NCOA1: variants seen among roughly 807,000 people sequenced by gnomAD.
The protein encoded by NCOA1 is Hin-2 protein.
A neutral mutation model predicts 150.9 loss-of-function variants in NCOA1; 35 were observed. The observed-to-expected ratio is 0.23, with a 90% CI of 0.18 to 0.31. The LOEUF (loss-of-function observed/expected upper bound fraction) is 0.31, where lower values mean the gene tolerates loss of function less well. NCOA1 is among the 10% of genes least tolerant of loss of function. NCOA1 has a pLI of 1.00. For missense variants in NCOA1, 1,491 were observed against 1,749.3 expected, an observed-to-expected ratio of 0.85 and a Z score of 2.63; for synonymous variants, 590 against 630.0, an observed-to-expected ratio of 0.94 and a Z score of 0.95.
At chr2:24,594,572 A>G (rs1667811604) in intron 3 of NCOA1, among the ~76,000 whole-genome samples, 1 of 152,162 alleles carries the variant, frequency 6.6e-6, no homozygotes, top group South Asian at 2.1e-4. Flanking sequence ...CTACAAGAGC[A>G]GATATTAGCA....
intron 3 of NCOA1, among the ~76,000 whole-genome samples, chr2:24,609,194 T>TAG (rs1668514267): frequency 6.6e-6 from 1 of 152,246 alleles, no homozygotes; most frequent in Non-Finnish European, 1.5e-5. Context: ...TTGGAATTCT[T>TAG]CTGTAAGAAA....
intron 8 of NCOA1, among the ~76,000 whole-genome samples, chr2:24,689,084 G>A (rs1261183518): frequency 1.3e-5 from 2 of 151,590 alleles, no homozygotes; most frequent in Non-Finnish European, 3.0e-5. Context: ...TCTAGGCTCG[G>A]TATTCTATTT....
intron 1 of NCOA1, chr2:24,554,604 G>C (rs536725697): frequency 1.3e-5 from 2 of 152,188 alleles, no homozygotes; most frequent in African/African-American, 4.8e-5. Context: ...CTAATACCAG[G>C]GGGTAGCCCC....
chr2:24,560,079 A>G (rs1432396700), intron 1 of NCOA1, among the ~76,000 whole-genome samples: 3 of 152,102 alleles, frequency 2.0e-5, no homozygotes, highest in African/African-American at 7.2e-5. Flanking sequence ...CTGGCCTACT[A>G]TTATACTAAT....
chr2:24,516,783 T>A (rs1317635059), intron 1 of NCOA1, among the ~76,000 whole-genome samples: 1 of 148,228 alleles, frequency 6.7e-6, no homozygotes, highest in Non-Finnish European at 1.5e-5. Context: ...GTTGCCTCTC[T>A]GGCCTTCATT....
chr2:24,547,479 T>TA (rs975883038), intron 1 of NCOA1, among the ~76,000 whole-genome samples: 2 of 152,220 alleles, frequency 1.3e-5, no homozygotes, highest in African/African-American at 4.8e-5. Context: ...CTGGAGGGCT[T>TA]ACTGACGTGT....
chr2:24,646,845 C>T (rs1281075069), intron 4 of NCOA1, among the ~76,000 whole-genome samples: 1 of 151,546 alleles, frequency 6.6e-6, no homozygotes, highest in Middle Eastern at 3.2e-3. Context: ...AGGAATTATA[C>T]ACACATACAC....
intron 2 of NCOA1, among the ~76,000 whole-genome samples, chr2:24,583,054 AC>A (rs1199248231): frequency 6.6e-6 from 1 of 152,206 alleles, no homozygotes; most frequent in East Asian, 1.9e-4. Flanking sequence ...AACAAAAGCA[AC>A]AATAGACAAA....
intron 8 of NCOA1, among the ~76,000 whole-genome samples, chr2:24,689,520 G>A (rs1051478687): frequency 6.6e-6 from 1 of 151,948 alleles, no homozygotes; most frequent in Non-Finnish European, 1.5e-5. Flanking sequence ...AAGTAGCTGG[G>A]ACAACTACTT....
chr2:24,630,762 A>G (rs1669670303), intron 3 of NCOA1, among the ~76,000 whole-genome samples: 1 of 152,236 alleles, frequency 6.6e-6, no homozygotes, highest in South Asian at 2.1e-4. Context: ...TTTTCATAAA[A>G]GCATTTTGTA....
chr2:24,541,788 A>G (rs1665409757), intron 1 of NCOA1, among the ~76,000 whole-genome samples: 1 of 152,244 alleles, frequency 6.6e-6, no homozygotes, highest in South Asian at 2.1e-4. Flanking sequence ...GAAAATTCAT[A>G]GGAATAAGAC....
intron 1 of NCOA1, among the ~76,000 whole-genome samples, chr2:24,528,597 A>G (rs2148157466): frequency 1.3e-5 from 2 of 151,844 alleles, no homozygotes; most frequent in South Asian, 2.1e-4. Context: ...ACCCACCCAT[A>G]TTAGCCTCCC....
At chr2:24,670,690 A>C (rs996198962) in intron 6 of NCOA1, among the ~76,000 whole-genome samples, 4 of 152,122 alleles carry the variant, frequency 2.6e-5, no homozygotes, top group African/African-American at 9.7e-5. Context: ...AAAAATGGGG[A>C]GTGACTGGTA....
chr2:24,756,134 A>G (rs1471490416), intron 20 of NCOA1, among the ~76,000 whole-genome samples: 1 of 151,920 alleles, frequency 6.6e-6, no homozygotes, highest in African/African-American at 2.4e-5. Flanking sequence ...CACGCCTGTA[A>G]TCCTAGCTAC....
chr2:24,656,253 T>A (rs1425674936), intron 4 of NCOA1, among the ~76,000 whole-genome samples: 1 of 152,194 alleles, frequency 6.6e-6, no homozygotes. Context: ...GCAGGTAGTG[T>A]TTAATCCAGG....
chr2:24,514,478 A>G (rs1315737946), intron 1 of NCOA1, among the ~76,000 whole-genome samples: 65 of 152,040 alleles, frequency 4.3e-4, no homozygotes, highest in Admixed American at 4.3e-3. Context: ...TAAGAGATTA[A>G]TAAAATAAGC....
chr2:24,513,855 G>C (rs1039040254), intron 1 of NCOA1, among the ~76,000 whole-genome samples: 1 of 152,174 alleles, frequency 6.6e-6, no homozygotes, highest in Admixed American at 6.5e-5. Flanking sequence ...CCGGCCAACT[G>C]TAGGAGGACT....
rs538141298 is a variant in NCOA1, at chr2:24,635,473, AT to A, written c.-174-8492del. Among the ~76,000 whole-genome samples the A allele has an allele frequency of 4.4e-3, 677 of 152,294 alleles. 2 individuals are homozygous for A. The highest frequency in any genetic ancestry group is 7.6e-3 in the Non-Finnish European group (514 of 68,018). On this transcript the variant is annotated intron_variant, in intron 3 of 22. Transcript: ENST00000348332. ...GTTTTGAAAAAGTTCTCACAAAAAA[AT>A]AAAAATAAAAAAATAAAAAGTACTC...
intron 18 of NCOA1, among the ~76,000 whole-genome samples, chr2:24,740,186 C>T (rs1049502931): frequency 1.2e-4 from 18 of 152,258 alleles, no homozygotes; most frequent in South Asian, 2.1e-4. Context: ...CTCTTTTCCT[C>T]TCCACAATAT....
Sources: gnomAD v4.1 joint callset for allele counts (sites outside exome capture counted in the v4.1 genomes callset) on GRCh38, gnomAD v4.1.1 for gene constraint, MANE v1.5 for transcripts, NCBI Gene and HGNC (gene_info 2026-07-23, HGNC 2026-07-21) for gene names.